Variants in CNTNAP2 observed in about 807,000 individuals in gnomAD.
CNTNAP2 encodes the protein contactin-associated protein-like 2.
In CNTNAP2, 98 loss-of-function variants were observed where a neutral mutation model predicts 155.2. That is an observed-to-expected ratio of 0.63 (90% CI 0.54 to 0.75). CNTNAP2 has a LOEUF of 0.75. Ranked by LOEUF, CNTNAP2 falls within the 30% of genes least tolerant of loss-of-function variation. The pLI is 0.00. For missense variants in CNTNAP2, 1,727 were observed against 1,688.1 expected (o/e 1.02, Z -0.40); for synonymous variants, 651 against 631.2 (o/e 1.03, Z -0.47).
intron 15 of CNTNAP2, among the ~76,000 whole-genome samples, chr7:147,995,015 C>A (rs942420167): frequency 3.9e-5 from 6 of 152,178 alleles, no homozygotes; most frequent in African/African-American, 7.2e-5. Context: ...AAACCAAACA[C>A]AAGCTTCCAA....
At chr7:148,314,870 C>T (rs1414858613) in intron 21 of CNTNAP2, among the ~76,000 whole-genome samples, 1 of 152,178 alleles carries the variant, frequency 6.6e-6, no homozygotes, top group African/African-American at 2.4e-5. Context: ...CTGTCTTCCC[C>T]AGTCCGTGAC....
chr7:147,476,926 AT>A (rs200307394), intron 10 of CNTNAP2, among the ~76,000 whole-genome samples: 28 of 45,862 alleles, frequency 6.1e-4, no homozygotes, highest in African/African-American at 1.7e-3. Context: ...AGACTCTGTC[AT>A]TTAAAAAAAA....
At chr7:146,171,165 A>G (rs945173964) in intron 1 of CNTNAP2, among the ~76,000 whole-genome samples, 1 of 152,094 alleles carries the variant, frequency 6.6e-6, no homozygotes, top group Non-Finnish European at 1.5e-5. Context: ...TTCCATTAAA[A>G]TTTTTCCTGA....
chr7:146,832,131 C>A (rs906399037), intron 2 of CNTNAP2, among the ~76,000 whole-genome samples: 2 of 152,002 alleles, frequency 1.3e-5, no homozygotes, highest in East Asian at 3.9e-4. Context: ...GATGTTTATC[C>A]CCCACTGCAA....
At chr7:147,073,549 G>A (rs1250263488) in intron 4 of CNTNAP2, among the ~76,000 whole-genome samples, 2 of 152,186 alleles carry the variant, frequency 1.3e-5, no homozygotes, top group African/African-American at 4.8e-5. Context: ...TCACCTAAGG[G>A]TGAGAATAGA....
intron 9 of CNTNAP2, among the ~76,000 whole-genome samples, chr7:147,384,434 A>T (rs1014506145): frequency 3.3e-5 from 5 of 152,158 alleles, no homozygotes; most frequent in Non-Finnish European, 4.4e-5. Context: ...ATCTGCCTAA[A>T]AGAGATGTGA....
At chr7:146,798,466 T>G (rs1802810942) in intron 2 of CNTNAP2, among the ~76,000 whole-genome samples, 1 of 152,022 alleles carries the variant, frequency 6.6e-6, no homozygotes, top group South Asian at 2.1e-4. Context: ...CTCAGCCTCC[T>G]GGGTAGCTGG....
At chr7:148,153,240 G>GAAAA (rs3056237) in intron 17 of CNTNAP2, among the ~76,000 whole-genome samples, 2,237 of 130,142 alleles carry the variant, frequency 0.017, 75 homozygotes, top group African/African-American at 0.057. Context: ...CAAAGTAACC[G>GAAAA]AAAAAAAAAA....
intron 1 of CNTNAP2, among the ~76,000 whole-genome samples, chr7:146,590,770 G>A (rs1392580515): frequency 2.6e-5 from 4 of 152,106 alleles, no homozygotes; most frequent in East Asian, 3.9e-4. Context: ...ATGCAATCAC[G>A]CCCACAAATG....
chr7:146,305,446 G>C (rs1030685373), intron 1 of CNTNAP2, among the ~76,000 whole-genome samples: 3 of 152,116 alleles, frequency 2.0e-5, no homozygotes, highest in African/African-American at 7.2e-5. Flanking sequence ...GTGACATACA[G>C]ATGGGGTTTT....
intron 1 of CNTNAP2, among the ~76,000 whole-genome samples, chr7:146,468,349 C>T (rs918549237): frequency 2.6e-5 from 4 of 151,808 alleles, no homozygotes; most frequent in Non-Finnish European, 5.9e-5. Flanking sequence ...ACCTGGGTGA[C>T]TGGATAATTC....
chr7:148,180,304 C>T (rs1179576573), intron 18 of CNTNAP2, among the ~76,000 whole-genome samples: 1 of 151,326 alleles, frequency 6.6e-6, no homozygotes, highest in Non-Finnish European at 1.5e-5. Context: ...GAATAGAACC[C>T]TTTTTTTTTC....
intron 10 of CNTNAP2, among the ~76,000 whole-genome samples, chr7:147,465,595 A>G (rs1378526011): frequency 6.6e-6 from 1 of 152,252 alleles, no homozygotes; most frequent in African/African-American, 2.4e-5. Flanking sequence ...TTAAGCATAA[A>G]TCAACAAATG....
At position 147,579,475 on chromosome 7, in the gene CNTNAP2, A is replaced by G. The variant is rs1358904007; in HGVS notation, c.1897+17218A>G. Among the ~76,000 whole-genome samples the G allele has an allele frequency of 2.0e-5, 3 of 152,162 alleles. No homozygotes were observed. The East Asian group carries it at 5.8e-4, about 29-fold the overall frequency. ...ATCTGTTATAATATGCCAGTGATAC[A>G]GTTGTTGCTGTCAGAGACATTGAAT... On this transcript the variant is annotated intron_variant, in intron 12 of 23. Transcript: ENST00000361727.
At chr7:146,369,198 A>C (rs1275044272) in intron 1 of CNTNAP2, among the ~76,000 whole-genome samples, 2 of 151,540 alleles carry the variant, frequency 1.3e-5, no homozygotes, top group Non-Finnish European at 2.9e-5. Flanking sequence ...TGTGTGTTTT[A>C]AAAGGGCCAT....
At chr7:146,354,757 A>G (rs1794973853) in intron 1 of CNTNAP2, among the ~76,000 whole-genome samples, 1 of 152,164 alleles carries the variant, frequency 6.6e-6, no homozygotes, top group Non-Finnish European at 1.5e-5. Flanking sequence ...ATCATATAAT[A>G]TAGTGGGCAA....
At chr7:148,137,321 G>T (rs1250475204) in intron 16 of CNTNAP2, among the ~76,000 whole-genome samples, 1 of 152,110 alleles carries the variant, frequency 6.6e-6, no homozygotes, top group Non-Finnish European at 1.5e-5. Flanking sequence ...AAGGCAAAAG[G>T]CACTTTTATA....
At chr7:146,369,369 T>C (rs1041766296) in intron 1 of CNTNAP2, among the ~76,000 whole-genome samples, 1 of 152,152 alleles carries the variant, frequency 6.6e-6, no homozygotes, top group Admixed American at 6.6e-5. Context: ...TAATTCAAGT[T>C]GCAAGAAATA....
chr7:147,553,788 T>TG (rs1799897619), intron 11 of CNTNAP2, among the ~76,000 whole-genome samples: 1 of 152,028 alleles, frequency 6.6e-6, no homozygotes. Context: ...CTGGCCAACA[T>TG]GGTGAAACCC....
Sources: allele counts gnomAD v4.1 joint callset (sites outside exome capture counted in the v4.1 genomes callset), GRCh38; gene constraint gnomAD v4.1.1; transcripts MANE v1.5; gene names NCBI Gene and HGNC (gene_info 2026-07-23, HGNC 2026-07-21).